The following GATC variants were observed in gnomAD, a reference collection of about 807,000 sequenced individuals.
The protein encoded by GATC is glutamyl-tRNA amidotransferase subunit C, also known as glutamyl-tRNA(Gln) amidotransferase subunit C, mitochondrial.
In GATC, 11 loss-of-function variants were observed where a neutral mutation model predicts 14.4. The ratio of observed to expected loss-of-function variants is 0.77; its 90% CI spans 0.48 to 1.27. The LOEUF (loss-of-function observed/expected upper bound fraction) is 1.27. Ranked by LOEUF, GATC falls within the 50% of genes most tolerant of loss-of-function variation. GATC has a pLI of 0.00. For missense variants in GATC, 204 were observed against 183.0 expected (o/e 1.11, Z -0.66); for synonymous variants, 76 against 79.3 (o/e 0.96, Z 0.22).
chr12:120,457,105 T>C lies in GATC; in HGVS notation c.284T>C (p.Val95Ala), dbSNP rs1481229261. The change falls in exon 3 of 4, where the codon GTA (valine) becomes GCA (alanine). Residue 95 changes from valine (V) to alanine (A), a missense_variant. Val to Ala is a moderately conservative substitution (Grantham distance 64). Transcript: ENST00000551765. ...RCLYLRSDNVVEGNCADELLQ... is the reference protein window; with the variant it reads ...RCLYLRSDNVAEGNCADELLQ... Reference sequence around the variant, plus strand: ...CTATACCTGAGATCCGACAATGTGGTAGAAGGCAACTGTGCTGATGAATTA... The same window carrying C: ...CTATACCTGAGATCCGACAATGTGGCAGAAGGCAACTGTGCTGATGAATTA... 5 of 1,613,896 alleles carry C rather than the reference T, an allele frequency of 3.1e-6. No homozygotes were observed. Among genetic ancestry groups the C allele is most frequent in the Middle Eastern group, 1.6e-4 (1 of 6,084 alleles).
At chr12:120,455,849 C>T (rs1219873759) in intron 2 of GATC, among the ~76,000 whole-genome samples, 2 of 152,090 alleles carry the variant, frequency 1.3e-5, no homozygotes, top group African/African-American at 4.8e-5. Context: ...CCACGCCCGG[C>T]TAATTTTTTT....
intron 3 of GATC, among the ~76,000 whole-genome samples, chr12:120,459,474 C>G (rs1878268860): frequency 6.6e-6 from 1 of 152,194 alleles, no homozygotes; most frequent in South Asian, 2.1e-4. Context: ...GAAAACAGGA[C>G]AGTAGCTACA....
chr12:120,458,377 C>T (rs368632672), intron 3 of GATC, among the ~76,000 whole-genome samples: 11 of 151,882 alleles, frequency 7.2e-5, no homozygotes, highest in East Asian at 1.9e-4. Context: ...CACTGCACCC[C>T]GCCGATATTT....
In GATC at chr12:120,449,927, T is replaced by C. The variant is rs530779557; in HGVS notation, c.254+3098T>C. On this transcript the variant is annotated intron_variant, in intron 2 of 3. Coordinates refer to ENST00000551765, the MANE Select transcript of GATC (RefSeq NM_176818.3). ...ACAGGTGCACGCCACCACGCCCAGC[T>C]AATTTTGTATTTTTAGTAGAGACAG... Among the ~76,000 whole-genome samples, 10 of 152,088 alleles carry C rather than the reference T, an allele frequency of 6.6e-5. 1 individual carries two copies. In the East Asian group the frequency reaches 1.5e-3, roughly 24 times the overall value.
At chr12:120,457,025 C>A in intron 2 of GATC, 51 bp from the exon 3 acceptor site, 1 of 1,255,096 alleles carries the variant, frequency 8.0e-7, no homozygotes, top group Non-Finnish European at 1.2e-6. Context: ...CCATCATCCC[C>A]TAAAAGCCCC....
intron 2 of GATC, chr12:120,454,887 CTT>C (rs769009737): frequency 3.2e-4 from 86 of 266,868 alleles, no homozygotes; most frequent in Non-Finnish European, 5.8e-4. Flanking sequence ...GTACAACTCT[CTT>C]TTGTGTGTGT....
intron 2 of GATC, among the ~76,000 whole-genome samples, chr12:120,451,872 A>ATTTTTTTTTTTTTTTTTTTTT (rs1555219520): frequency 1.1e-5 from 1 of 88,088 alleles, no homozygotes; most frequent in African/African-American, 4.6e-5. Flanking sequence ...AATTATATAA[A>ATTTTTTTTTTTTTTTTTTTTT]TTCTTTTTTT....
chr12:120,448,173 C>T (rs1192724670), intron 2 of GATC, among the ~76,000 whole-genome samples: 1 of 152,050 alleles, frequency 6.6e-6, no homozygotes, highest in Non-Finnish European at 1.5e-5. Flanking sequence ...CCTCCTGCCT[C>T]AGCCTCCCAA....
At chr12:120,457,008 C>T in intron 2 of GATC, 68 bp from the exon 3 acceptor site, 1 of 966,118 alleles carries the variant, frequency 1.0e-6, no homozygotes, top group South Asian at 1.3e-5. Context: ...CTCCTTCTTG[C>T]CCCTCTCCAT....
At chr12:120,459,283 A>G (rs1020390483) in intron 3 of GATC, among the ~76,000 whole-genome samples, 5 of 152,186 alleles carry the variant, frequency 3.3e-5, no homozygotes, top group African/African-American at 7.2e-5. Flanking sequence ...TTGATCAGAC[A>G]TGCTATCTCC....
chr12:120,447,448 C>G (rs912280775), intron 2 of GATC, among the ~76,000 whole-genome samples: 1 of 152,084 alleles, frequency 6.6e-6, no homozygotes, highest in Non-Finnish European at 1.5e-5. Context: ...TCAGTACTCT[C>G]CTTGGCTACC....
intron 2 of GATC, among the ~76,000 whole-genome samples, chr12:120,449,191 C>T (rs1877970394): frequency 2.0e-5 from 3 of 152,000 alleles, no homozygotes; most frequent in African/African-American, 7.3e-5. Context: ...GATCTCCTGA[C>T]CTCGTGATCT....
Position 120,462,208 on chromosome 12 carries a change from G to A in GATC, c.*2249G>A, listed in dbSNP as rs775961158. 1.3e-6 allele frequency: 2 copies of A among 1,560,080 alleles called. No homozygotes were observed. The highest frequency in any genetic ancestry group is 1.2e-5 in the South Asian group (1 of 85,616). ...AAAAGAGTAAAGGGGAAAAAAATCAGAGCCAGAAGAATAAGCAAACCAACA... is the reference window on the plus strand; with the variant it reads ...AAAAGAGTAAAGGGGAAAAAAATCAAAGCCAGAAGAATAAGCAAACCAACA... On this transcript the variant is annotated 3_prime_UTR_variant, in exon 4 of 4. Coordinates refer to ENST00000551765, the MANE Select transcript of GATC (RefSeq NM_176818.3).
chr12:120,447,064 T>G (rs372997511), intron 2 of GATC, among the ~76,000 whole-genome samples: 111 of 129,136 alleles, frequency 8.6e-4, no homozygotes, highest in Middle Eastern at 3.9e-3. Flanking sequence ...TTGTTTTTTT[T>G]TTTGTTTGTT....
intron 3 of GATC, among the ~76,000 whole-genome samples, chr12:120,457,424 G>T (rs1377385495): frequency 6.6e-6 from 1 of 152,016 alleles, no homozygotes; most frequent in East Asian, 1.9e-4. Context: ...GAAATCTGGA[G>T]CTCAAGATCT....
chr12:120,462,859 AAGTC>A lies in GATC; in HGVS notation c.*2904_*2907del, dbSNP rs1361951800. The A allele has an allele frequency of 6.6e-6, 1 of 152,204 alleles. No individual in the cohort carries two copies. 9.4% of individuals were successfully genotyped at this position (152,204 alleles called of 1,614,324 possible). On this transcript the variant is annotated 3_prime_UTR_variant, in exon 4 of 4. Coordinates refer to ENST00000551765, the MANE Select transcript of GATC (RefSeq NM_176818.3). Reference sequence around the variant, plus strand: ...CCGGATGCTTTTTCACCTTAGGTGAAAGTCAGTAATTGGAGTTACCCTTTCTGAG... The same window carrying A: ...CCGGATGCTTTTTCACCTTAGGTGAAAGTAATTGGAGTTACCCTTTCTGAG...
intron 2 of GATC, among the ~76,000 whole-genome samples, chr12:120,453,850 AC>A (rs2137041783): frequency 6.6e-6 from 1 of 152,048 alleles, no homozygotes; most frequent in Middle Eastern, 3.4e-3. Flanking sequence ...AACAACAACA[AC>A]AACAAAAAAC....
intron 2 of GATC, among the ~76,000 whole-genome samples, chr12:120,454,574 A>AT (rs1878130208): frequency 7.4e-6 from 1 of 135,784 alleles, no homozygotes; most frequent in Non-Finnish European, 1.7e-5. Context: ...ACGCCTGGCT[A>AT]ATTTTTTTTT....
Position 120,446,767 on chromosome 12 carries a change from C to G in GATC, c.192C>G (p.Ala64=), listed in dbSNP as rs1240319587. 1.2e-6 allele frequency: 2 copies of G among 1,613,966 alleles called. No individual in the cohort carries two copies. The highest frequency in any genetic ancestry group is 1.7e-6 in the Non-Finnish European group (2 of 1,180,034). The change falls in exon 2 of 4, where the codon GCC becomes GCG. Residue 64 remains alanine (A), a synonymous_variant. Coordinates refer to ENST00000551765, the MANE Select transcript of GATC (RefSeq NM_176818.3). ...GACTGGAGAAAGCTATCGCCTTCGC[C>G]GACCGGCTACGCGCCGTGGACACAG... ...VARLEKAIAF[A]DRLRAVDTDG... is the part of the protein sequence containing the mutation.
Sources: gnomAD v4.1 joint callset for allele counts (sites outside exome capture counted in the v4.1 genomes callset) on GRCh38, gnomAD v4.1.1 for gene constraint, MANE v1.5 for transcripts, NCBI Gene and HGNC (gene_info 2026-07-23, HGNC 2026-07-21) for gene names.